Variants in P2RX5 observed in about 807,000 individuals in gnomAD.
The protein encoded by P2RX5 is P2X purinoceptor 5.
A neutral mutation model predicts 54.1 loss-of-function variants in P2RX5; 46 were observed. That is an observed-to-expected ratio of 0.85 (90% CI 0.67 to 1.09). The LOEUF (loss-of-function observed/expected upper bound fraction) is 1.09. Among genes scored for constraint, P2RX5 ranks in the 50% least tolerant of loss-of-function variants. P2RX5 has a pLI of 0.00. For missense variants in P2RX5, 566 were observed against 549.8 expected (o/e 1.03, Z -0.29); for synonymous variants, 226 against 226.4 (o/e 1.00, Z 0.02).
chr17:3,713,574 A>G, the P2RX5 span, among the ~76,000 whole-genome samples: 1 of 151,924 alleles, frequency 6.6e-6, no homozygotes, highest in Non-Finnish European at 1.5e-5. Context: ...AACATGGAGA[A>G]ACCCCATCTC....
chr17:3,700,650 A>G (rs773622406), upstream of P2RX5, among the ~76,000 whole-genome samples: 8 of 152,168 alleles, frequency 5.3e-5, no homozygotes, highest in Non-Finnish European at 7.4e-5. Context: ...TGTTCCTCCA[A>G]ATCGCATGTT....
At chr17:3,723,823 G>C in the P2RX5 span, 25 of 1,561,758 alleles carry the variant, frequency 1.6e-5, no homozygotes, top group Non-Finnish European at 2.2e-5. Flanking sequence ...CCCGGCCCTG[G>C]CGAGGTGCGC....
chr17:3,708,131 T>C, the P2RX5 span, among the ~76,000 whole-genome samples: 1 of 149,212 alleles, frequency 6.7e-6, no homozygotes, highest in Non-Finnish European at 1.5e-5. Flanking sequence ...GCAGGGCCTC[T>C]CCCAGAAGCG....
chr17:3,690,182 AG>A, intron 5 of P2RX5, 32 bp from the exon 6 acceptor site: 1 of 1,590,578 alleles, frequency 6.3e-7, no homozygotes, highest in Non-Finnish European at 8.6e-7. Context: ...CCTGTCCAGG[AG>A]GCCCCACCCC....
chr17:3,711,630 C>T, the P2RX5 span, among the ~76,000 whole-genome samples: 1 of 152,038 alleles, frequency 6.6e-6, no homozygotes, highest in African/African-American at 2.4e-5. Flanking sequence ...GATCTGCCCA[C>T]GTCGGCGCCT....
chr17:3,681,069 C>T (rs66553463), intron 10 of P2RX5, among the ~76,000 whole-genome samples: 13,855 of 151,084 alleles, frequency 0.092, 807 homozygotes, highest in East Asian at 0.19. Context: ...ATCCTCCACC[C>T]AGCGTCCTCC....
intron 9 of P2RX5, 31 bp from the exon 10 acceptor site, chr17:3,682,009 C>G (rs755403005): frequency 6.7e-7 from 1 of 1,490,882 alleles, no homozygotes; most frequent in Non-Finnish European, 9.4e-7. Context: ...ATTCAGAATC[C>G]TAGACCTCTG....
the P2RX5 span, among the ~76,000 whole-genome samples, chr17:3,701,732 G>A: frequency 7.1e-6 from 1 of 140,214 alleles, no homozygotes; most frequent in East Asian, 2.1e-4. Flanking sequence ...AACTTCTAAA[G>A]GGACATTTTC....
chr17:3,706,143 CG>C, the P2RX5 span, among the ~76,000 whole-genome samples: 1 of 151,890 alleles, frequency 6.6e-6, no homozygotes, highest in Admixed American at 6.6e-5. Flanking sequence ...TTAGTAGAGA[CG>C]GGGTTTCATC....
the P2RX5 span, among the ~76,000 whole-genome samples, chr17:3,707,474 A>G: frequency 6.6e-6 from 1 of 152,198 alleles, no homozygotes; most frequent in African/African-American, 2.4e-5. Flanking sequence ...TTGCCAGACT[A>G]AGAAATCAAA....
chr17:3,693,929 C>T (rs1174753509), intron 1 of P2RX5, among the ~76,000 whole-genome samples: 1 of 151,740 alleles, frequency 6.6e-6, no homozygotes, highest in Non-Finnish European at 1.5e-5. Flanking sequence ...CACACCCAGC[C>T]AATTTTTGAA....
chr17:3,692,105 C>T (rs866655898), intron 1 of P2RX5: 106 of 391,568 alleles, frequency 2.7e-4, no homozygotes, highest in Admixed American at 3.0e-4. Context: ...GAGATTGAGA[C>T]CATCCTGGCT....
chr17:3,693,334 A>G (rs2050670236), intron 1 of P2RX5, among the ~76,000 whole-genome samples: 1 of 152,222 alleles, frequency 6.6e-6, no homozygotes. Context: ...GAACCCCCGT[A>G]TATCACTGAT....
At chr17:3,721,260 CTTTTTTTTTTTTTTTTTTTTT>C in the P2RX5 span, among the ~76,000 whole-genome samples, 1 of 46,200 alleles carries the variant, frequency 2.2e-5, no homozygotes, top group South Asian at 1.2e-3. Flanking sequence ...GAGATTTTTC[CTTTTTTTTTTTTTTTTTTTTT>C]TTTTTTTTGA....
chr17:3,714,262 T>C, the P2RX5 span, among the ~76,000 whole-genome samples: 2 of 147,518 alleles, frequency 1.4e-5, no homozygotes, highest in African/African-American at 2.5e-5. Context: ...GGAGTCTCAC[T>C]CTGTTGCTAG....
At chr17:3,681,028 T>C (rs1230505187) in intron 10 of P2RX5, among the ~76,000 whole-genome samples, 1 of 145,212 alleles carries the variant, frequency 6.9e-6, no homozygotes, top group South Asian at 2.2e-4. Flanking sequence ...TCCTCCACCC[T>C]GCGTCCTCCA....
At chr17:3,691,299 T>G (rs542546740) in intron 2 of P2RX5, among the ~76,000 whole-genome samples, 2 of 152,180 alleles carry the variant, frequency 1.3e-5, no homozygotes, top group Non-Finnish European at 2.9e-5. Context: ...CCTGGCCAAC[T>G]GTGAACAGGC....
intron 10 of P2RX5, among the ~76,000 whole-genome samples, chr17:3,680,989 GTCCTCCACCCTGCATCCTCCACCCTGCA>G (rs1156776372): frequency 6.7e-5 from 8 of 120,094 alleles, no homozygotes; most frequent in African/African-American, 2.7e-4. Flanking sequence ...TCCACCCAGT[GTCCTCCACCCTGCATCCTCCACCCTGCA>G]TCCTCCACCC....
chr17:3,723,667 T>C, the P2RX5 span: 1 of 1,571,980 alleles, frequency 6.4e-7, no homozygotes, highest in Admixed American at 1.9e-5. Context: ...TCCCCTGGCC[T>C]CTCGGGACGG....
Sources: gnomAD v4.1 joint callset for allele counts (sites outside exome capture counted in the v4.1 genomes callset) on GRCh38, gnomAD v4.1.1 for gene constraint, MANE v1.5 for transcripts, NCBI Gene and HGNC (gene_info 2026-07-23, HGNC 2026-07-21) for gene names.